Variants in ANO7 observed in about 807,000 individuals in gnomAD.
The protein encoded by ANO7 is anoctamin 7, also known as anoctamin-7.
Under a neutral mutation model 115.8 loss-of-function variants are expected in ANO7, and 114 were observed. The observed-to-expected ratio is 0.98, with a 90% confidence interval of 0.85 to 1.15. The LOEUF is 1.15. Ranked by LOEUF, ANO7 falls within the 50% of genes most tolerant of loss-of-function variation. The pLI is 0.00. For missense variants in ANO7, 1,302 were observed against 1,201.2 expected, an observed-to-expected ratio of 1.08 and a Z score of -1.24; for synonymous variants, 550 against 498.2, an observed-to-expected ratio of 1.10 and a Z score of -1.38.
chr2:241,205,538 G>C (rs1334010702), intron 10 of ANO7, among the ~76,000 whole-genome samples: 8 of 114,772 alleles, frequency 7.0e-5, no homozygotes, highest in Middle Eastern at 8.3e-3. Context: ...GTGCTCCAAG[G>C]CTGACACAGG....
Position 241,223,186 on chromosome 2 carries a change from G to GT in ANO7, c.2323dup (p.Tyr775LeufsTer7). 2 of 1,614,106 alleles carry GT rather than the reference G, an allele frequency of 1.2e-6. No homozygotes were observed. Among genetic ancestry groups the GT allele is most frequent in the East Asian group, 2.2e-5 (1 of 44,892 alleles). ...GCACTGAGTCCTGTGTCTGCTGCAG[G>GT]TATCGGGCTTTCCGGGATGACGATG... is the stretch of plus-strand genomic sequence containing the variant. On this transcript the variant is annotated frameshift_variant and splice_region_variant, in exon 22 of 25. Coordinates refer to ENST00000674324, the MANE Select transcript of ANO7 (RefSeq NM_001370694.2). LOFTEE classifies it high-confidence loss of function.
Position 241,200,201 on chromosome 2 carries a change from G to A in ANO7, c.530G>A (p.Arg177Gln), listed in dbSNP as rs369064125. The A allele has an allele frequency of 1.1e-4, 183 of 1,612,990 alleles. No individual in the cohort carries two copies. The highest frequency in any genetic ancestry group is 1.6e-4 in the African/African-American group (12 of 75,034). The change falls in exon 6 of 25, where the codon CGG (arginine) becomes CAG (glutamine). Residue 177 changes from arginine (R) to glutamine (Q), a missense_variant. Coordinates refer to ENST00000674324, the MANE Select transcript of ANO7 (RefSeq NM_001370694.2). ...GTACCCCCCGAGTACTACTCCTGCC[G>A]GTTCAGAGTGAACAAGCTGCCACGG... Reference protein sequence around the residue: ...PDVPPEYYSCRFRVNKLPRFL... With the variant: ...PDVPPEYYSCQFRVNKLPRFL...
chr2:241,228,200 G>A (rs764728993), downstream of ANO7: 7 of 152,268 alleles, frequency 4.6e-5, no homozygotes, highest in African/African-American at 1.7e-4. Flanking sequence ...CAAGTACCTG[G>A]GACAGGACAA....
Position 241,202,016 on chromosome 2 carries a change from CTGCATG to C in ANO7, c.613-168_613-163del, listed in dbSNP as rs1370883218. On this transcript the variant is annotated intron_variant, in intron 7 of 24. Transcript: ENST00000674324. Reference sequence around the variant, plus strand: ...AGCACTACCCTGGCACAGGGGCGTCCTGCATGTGCATGTGCGGTGGTGACACAAAGT... The same window carrying C: ...AGCACTACCCTGGCACAGGGGCGTCCTGCATGTGCGGTGGTGACACAAAGT... Among the ~76,000 whole-genome samples the C allele has an allele frequency of 3.9e-5, 6 of 152,366 alleles. No homozygotes were observed. The South Asian group carries it at 1.0e-3, about 26-fold the overall frequency.
At chr2:241,235,679 C>G in the ANO7 span, 1 of 869,732 alleles carries the variant, frequency 1.1e-6, no homozygotes, top group Non-Finnish European at 1.9e-6. Context: ...CCACGAAACA[C>G]AAGGCAAACA....
rs2068522853 is a variant in ANO7, at chr2:241,203,596, CG to C, written c.889+99del. On this transcript the variant is annotated intron_variant, in intron 9 of 24. Transcript: ENST00000674324. The surrounding 1 kb of genome is among the most constrained non-coding windows in gnomAD (Gnocchi z 4.8). ...GTCCGTACCCCTGGAGGGCAGCGTG[CG>C]TGGGGGCCTGGACGGTGGGCGCAGC... 1.1e-6 allele frequency: 1 copy of C among 918,230 alleles called. No individual in the cohort carries two copies. Among genetic ancestry groups the C allele is most frequent in the Non-Finnish European group, 1.6e-6 (1 of 638,008 alleles). 56.9% of individuals were successfully genotyped at this position (918,230 alleles called of 1,614,324 possible).
chr2:241,224,300 C>A lies in ANO7; in HGVS notation c.*147C>A. ...TCTCTGGGCACATTGCCTGCTTCCC[C>A]CCAGCGCCGGCTTCTCTCCTCAGAG... On this transcript the variant is annotated 3_prime_UTR_variant, in exon 25 of 25. Coordinates refer to ENST00000674324, the MANE Select transcript of ANO7 (RefSeq NM_001370694.2). 1.1e-6 allele frequency: 1 copy of A among 887,932 alleles called. No individual in the cohort carries two copies. Among genetic ancestry groups the A allele is most frequent in the East Asian group, 2.7e-5 (1 of 37,536 alleles). 55.0% of individuals were successfully genotyped at this position (887,932 alleles called of 1,614,324 possible). A position where few individuals can be genotyped will look rare whatever the true frequency, so the allele number is the denominator to read the frequency against.
intron 5 of ANO7, 82 bp downstream of exon 5, chr2:241,199,505 T>C: frequency 7.2e-7 from 1 of 1,392,488 alleles, no homozygotes; most frequent in East Asian, 2.4e-5. Context: ...GCCGACAGCC[T>C]CAGGAGGGCT....
At chr2:241,190,559 C>T (rs558788446) in intron 2 of ANO7, among the ~76,000 whole-genome samples, 4 of 152,330 alleles carry the variant, frequency 2.6e-5, no homozygotes, top group Admixed American at 6.5e-5. Flanking sequence ...GCCATGGATG[C>T]GCTGTGAGCC....
In ANO7 at chr2:241,209,636, G is replaced by A; in HGVS notation, c.1359+1G>A. 1 of 1,544,498 alleles carries A rather than the reference G, an allele frequency of 6.5e-7. No individual in the cohort carries two copies. Among genetic ancestry groups the A allele is most frequent in the Non-Finnish European group, 8.7e-7 (1 of 1,148,096 alleles). ...CGGCTCTGTGGTGATCGTGGTGATG[G>A]TATGCGGTCCCCCTGCCCTCCGCTC... On this transcript the variant is annotated splice_donor_variant, in intron 13 of 24. Coordinates refer to ENST00000674324, the MANE Select transcript of ANO7 (RefSeq NM_001370694.2). LOFTEE classifies it high-confidence loss of function.
At position 241,203,267 on chromosome 2, in the gene ANO7, C is replaced by T; in HGVS notation, c.724-66C>T. 1 of 1,328,484 alleles carries T rather than the reference C, an allele frequency of 7.5e-7. No homozygotes were observed. The highest frequency in any genetic ancestry group is 1.0e-6 in the Non-Finnish European group (1 of 998,738). 82.3% of individuals were successfully genotyped at this position (1,328,484 alleles called of 1,614,324 possible). A position where few individuals can be genotyped will look rare whatever the true frequency, so the allele number is the denominator to read the frequency against. ...CCCATGTCCCACACTGAAGCCCCTG[C>T]ACCTACAACAGTGCCCAGTGGGGTC... On this transcript the variant is annotated intron_variant, in intron 8 of 24. Coordinates refer to ENST00000674324, the MANE Select transcript of ANO7 (RefSeq NM_001370694.2). The surrounding 1 kb of genome is among the most constrained non-coding windows in gnomAD (Gnocchi z 4.8).
intron 21 of ANO7, among the ~76,000 whole-genome samples, chr2:241,222,359 C>T (rs1248880747): frequency 6.6e-6 from 1 of 152,102 alleles, no homozygotes; most frequent in African/African-American, 2.4e-5. Context: ...CCATCTTACT[C>T]CTTCCAGCAG....
chr2:241,238,458 T>A, the ANO7 span: 14 of 448,016 alleles, frequency 3.1e-5, no homozygotes, highest in Admixed American at 7.5e-5. The surrounding 1 kb of genome is among the most constrained non-coding windows in gnomAD (Gnocchi z 4.9). Context: ...ACCTGGTCAC[T>A]CTGTCAGTAA....
Position 241,200,244 on chromosome 2 carries a change from CAGTCGGAGGAAAGA to C in ANO7, c.554+21_554+34del. On this transcript the variant is annotated intron_variant, in intron 6 of 24. Transcript: ENST00000674324. ...TGCCACGGTAAGGCAGGGGCCCTGC[CAGTCGGAGGAAAGA>C]ACAGGAGTGAGTGGGAGTCGGTGAA... 1 of 1,608,782 alleles carries C rather than the reference CAGTCGGAGGAAAGA, an allele frequency of 6.2e-7. No homozygotes were observed. Among genetic ancestry groups the C allele is most frequent in the Non-Finnish European group, 8.5e-7 (1 of 1,177,822 alleles).
In ANO7 at chr2:241,203,231, A is replaced by G. The variant is rs2068510853; in HGVS notation, c.724-102A>G. ...CTTCATGGAGCAATCCCAGACTCCC[A>G]GGCCTGTCTGCCCATGTCCCACACT... On this transcript the variant is annotated intron_variant, in intron 8 of 24. Transcript: ENST00000674324. This position sits in a 1 kb window ranked among gnomAD's most constrained non-coding sequence, Gnocchi z 4.8. The G allele has an allele frequency of 3.2e-6, 3 of 935,390 alleles. No individual in the cohort carries two copies. Among genetic ancestry groups the G allele is most frequent in the Non-Finnish European group, 3.0e-6 (2 of 658,694 alleles). 57.9% of individuals were successfully genotyped at this position (935,390 alleles called of 1,614,324 possible).
chr2:241,192,388 T>A (rs971406616), intron 3 of ANO7, among the ~76,000 whole-genome samples: 1 of 152,060 alleles, frequency 6.6e-6, no homozygotes, highest in Non-Finnish European at 1.5e-5. Flanking sequence ...TTTCTCACAG[T>A]CTTGGGGCTG....
intron 15 of ANO7, among the ~76,000 whole-genome samples, chr2:241,211,314 C>T (rs1345733342): frequency 2.0e-5 from 2 of 100,570 alleles, no homozygotes; most frequent in African/African-American, 9.9e-5. Context: ...CTTCCCTCCC[C>T]CTTCCTCTCC....
chr2:241,235,351 A>ACCCGC, the ANO7 span: 5 of 1,515,052 alleles, frequency 3.3e-6, no homozygotes, highest in Non-Finnish European at 4.5e-6. Context: ...AGGGAAGGCC[A>ACCCGC]CCCGCCGTGA....
chr2:241,234,110 C>A, the ANO7 span: 8 of 817,298 alleles, frequency 9.8e-6, no homozygotes, highest in African/African-American at 1.7e-5. Flanking sequence ...CTCTCTGGTC[C>A]GACCTCTGCC....
Sources: allele counts gnomAD v4.1 joint callset (sites outside exome capture counted in the v4.1 genomes callset), GRCh38; gene constraint gnomAD v4.1.1; non-coding constraint Gnocchi (gnomAD v3.1); transcripts MANE v1.5; gene names NCBI Gene and HGNC (gene_info 2026-07-23, HGNC 2026-07-21).